The following COL11A1 variants were observed in gnomAD, a reference collection of about 807,000 sequenced individuals.
COL11A1 encodes the protein collagen type XI alpha 1 chain.
Under a neutral mutation model 265.2 loss-of-function variants are expected in COL11A1, and 74 were observed. The observed-to-expected ratio is 0.28, with a 90% CI of 0.23 to 0.34. The LOEUF (loss-of-function observed/expected upper bound fraction) is 0.34. Ranked by LOEUF, COL11A1 falls within the 10% of genes least tolerant of loss-of-function variation. The probability of loss-of-function intolerance (pLI) is 1.00; values close to 1 mark genes in which losing one functional copy is unlikely to be tolerated. For synonymous variants in COL11A1, 816 were observed against 727.6 expected, an observed-to-expected ratio of 1.12 and a Z score of -1.96; for missense variants, 2,165 against 2,263.6, an observed-to-expected ratio of 0.96 and a Z score of 0.88.
intron 66 of COL11A1, 45 bp from the exon 67 acceptor site, chr1:102,878,210 T>C (rs200514622): frequency 2.0e-6 from 3 of 1,532,122 alleles, no homozygotes; most frequent in Middle Eastern, 2.3e-4. Context: ...TCTTTTAATA[T>C]TTTTAAATGC....
At chr1:103,013,313 C>A (rs1666280792) in intron 13 of COL11A1, among the ~76,000 whole-genome samples, 1 of 151,854 alleles carries the variant, frequency 6.6e-6, no homozygotes, top group South Asian at 2.1e-4. Flanking sequence ...CTTCTTAATC[C>A]TTGAGATTAA....
At chr1:103,093,589 G>A (rs1296280876) in intron 1 of COL11A1, among the ~76,000 whole-genome samples, 1 of 152,132 alleles carries the variant, frequency 6.6e-6, no homozygotes, top group Non-Finnish European at 1.5e-5. Flanking sequence ...CTAACCCCAA[G>A]CCTTGAAGGG....
At chr1:103,001,751 A>G in intron 24 of COL11A1, 174 bp downstream of exon 24, 1 of 642,492 alleles carries the variant, frequency 1.6e-6, no homozygotes, top group East Asian at 2.7e-5. Context: ...TCAGTTTAAG[A>G]ACACATGAAT....
intron 42 of COL11A1, among the ~76,000 whole-genome samples, chr1:102,944,676 A>G (rs1659069682): frequency 6.6e-6 from 1 of 152,134 alleles, no homozygotes; most frequent in South Asian, 2.1e-4. Context: ...TCTTTATTTC[A>G]ATAACTTACT....
chr1:103,098,773 T>G (rs982981071), intron 1 of COL11A1, among the ~76,000 whole-genome samples: 3 of 151,814 alleles, frequency 2.0e-5, no homozygotes, highest in Non-Finnish European at 2.9e-5. Flanking sequence ...CTTCAATGCT[T>G]GAAGAAAGTT....
intron 57 of COL11A1, among the ~76,000 whole-genome samples, chr1:102,896,511 C>T (rs1652447017): frequency 1.3e-5 from 2 of 152,100 alleles, no homozygotes; most frequent in South Asian, 2.1e-4. Context: ...CTAATTAAAG[C>T]TATGAAAAAA....
intron 30 of COL11A1, among the ~76,000 whole-genome samples, chr1:102,986,060 A>G (rs1352923005): frequency 6.6e-6 from 1 of 152,038 alleles, no homozygotes; most frequent in Non-Finnish European, 1.5e-5. Context: ...TACCTATATC[A>G]TATATTTTCT....
At chr1:103,024,239 G>T (rs1461873504) in intron 7 of COL11A1, among the ~76,000 whole-genome samples, 2 of 152,104 alleles carry the variant, frequency 1.3e-5, no homozygotes, top group African/African-American at 4.8e-5. Flanking sequence ...TGATCATCCT[G>T]CCTCAGCCTC....
chr1:102,935,976 T>A (rs1040841836), intron 44 of COL11A1, among the ~76,000 whole-genome samples: 2 of 152,170 alleles, frequency 1.3e-5, no homozygotes, highest in African/African-American at 4.8e-5. Context: ...GTGAATAAAG[T>A]TGCTGGTAAC....
intron 18 of COL11A1, among the ~76,000 whole-genome samples, chr1:103,005,429 T>C (rs962630330): frequency 1.3e-5 from 2 of 152,148 alleles, no homozygotes; most frequent in African/African-American, 2.4e-5. Flanking sequence ...GTGCCTAGTA[T>C]ATTACTGTAT....
At chr1:102,910,845 T>G (rs993793007) in intron 54 of COL11A1, among the ~76,000 whole-genome samples, 1 of 152,074 alleles carries the variant, frequency 6.6e-6, no homozygotes, top group Admixed American at 6.6e-5. Context: ...ACTAACCACA[T>G]TATATAGCAT....
intron 1 of COL11A1, among the ~76,000 whole-genome samples, chr1:103,092,466 C>T (rs929463578): frequency 6.6e-6 from 1 of 152,094 alleles, no homozygotes; most frequent in African/African-American, 2.4e-5. Flanking sequence ...CTTATGCACA[C>T]AAACACAGAT....
chr1:102,892,875 T>C (rs973760360), intron 57 of COL11A1, among the ~76,000 whole-genome samples: 1 of 152,116 alleles, frequency 6.6e-6, no homozygotes, highest in African/African-American at 2.4e-5. Flanking sequence ...GTAGATATGC[T>C]TAATAATAAT....
chr1:102,909,852 G>T (rs1654432807), intron 54 of COL11A1, among the ~76,000 whole-genome samples: 1 of 151,748 alleles, frequency 6.6e-6, no homozygotes, highest in Admixed American at 6.6e-5. Flanking sequence ...AATTATAATT[G>T]TCGATCATTA....
intron 4 of COL11A1, among the ~76,000 whole-genome samples, chr1:103,036,154 T>C (rs192342221): frequency 1.3e-5 from 2 of 151,566 alleles, no homozygotes; most frequent in Non-Finnish European, 1.5e-5. Flanking sequence ...TGCCATTAAC[T>C]ACTTGGAATT....
chr1:103,037,068 A>T (rs1470721651), intron 4 of COL11A1, among the ~76,000 whole-genome samples: 1 of 151,604 alleles, frequency 6.6e-6, no homozygotes, highest in African/African-American at 2.4e-5. Context: ...GCATACTTTT[A>T]AAACCAAACA....
At chr1:102,898,323 G>A (rs993572025) in intron 56 of COL11A1, 145 bp from the exon 57 acceptor site, 23 of 361,962 alleles carry the variant, frequency 6.4e-5, no homozygotes, top group Non-Finnish European at 9.4e-5. Context: ...TACAAATATT[G>A]TAAATAATTT....
rs1020690011 is a variant in COL11A1, at chr1:102,889,356, ATTCT to A, written c.4464+95_4464+98del. The A allele has an allele frequency of 2.0e-4, 178 of 890,418 alleles. 1 individual carries two copies. In the African/African-American group the frequency reaches 2.5e-3, roughly 13 times the overall value. The allele number at this position is 890,418 out of a possible 1,614,324, so 55.2% of individuals were successfully genotyped here. ...TTAAATTAGAATTAAGACACTCTAA[ATTCT>A]TTCTTTGATCATACTTAAAGGACTG... is the stretch of plus-strand genomic sequence containing the variant. On this transcript the variant is annotated intron_variant, in intron 59 of 66. Coordinates refer to ENST00000370096, the MANE Select transcript of COL11A1 (RefSeq NM_001854.4).
chr1:102,935,905 A>C (rs1425550435), intron 44 of COL11A1, among the ~76,000 whole-genome samples: 1 of 152,186 alleles, frequency 6.6e-6, no homozygotes, highest in Non-Finnish European at 1.5e-5. Flanking sequence ...TCATAACAAC[A>C]GTAAGGCATT....
Sources: allele counts gnomAD v4.1 joint callset (sites outside exome capture counted in the v4.1 genomes callset), GRCh38; gene constraint gnomAD v4.1.1; transcripts MANE v1.5; gene names NCBI Gene and HGNC (gene_info 2026-07-23, HGNC 2026-07-21).